Variants in IGF1R observed in about 807,000 individuals in gnomAD.
IGF1R encodes insulin like growth factor 1 receptor.
In IGF1R, 44 loss-of-function variants were observed where a neutral mutation model predicts 144.6. The ratio of observed to expected loss-of-function variants is 0.30; its 90% CI spans 0.24 to 0.39. IGF1R has a LOEUF of 0.39. Ranked by LOEUF, IGF1R falls within the 10% of genes least tolerant of loss-of-function variation. IGF1R has a pLI of 1.00. For missense variants in IGF1R, 1,355 were observed against 1,833.7 expected, an observed-to-expected ratio of 0.74 and a Z score of 4.77; for synonymous variants, 795 against 722.8, an observed-to-expected ratio of 1.10 and a Z score of -1.60.
intron 2 of IGF1R, among the ~76,000 whole-genome samples, chr15:98,842,353 G>C (rs2011189171): frequency 6.6e-6 from 1 of 152,186 alleles, no homozygotes; most frequent in South Asian, 2.1e-4. Context: ...TAGAGGTCAA[G>C]GCAGTGCTCA....
chr15:98,754,161 A>G (rs1180404093), intron 2 of IGF1R, among the ~76,000 whole-genome samples: 3 of 152,148 alleles, frequency 2.0e-5, no homozygotes, highest in Non-Finnish European at 2.9e-5. Flanking sequence ...TCGGGAGGTA[A>G]CCAGGTCTCC....
intron 2 of IGF1R, among the ~76,000 whole-genome samples, chr15:98,849,897 T>G (rs1442887295): frequency 6.6e-6 from 1 of 152,146 alleles, no homozygotes; most frequent in African/African-American, 2.4e-5. Context: ...AAATCCAAAA[T>G]ATTTGATAAC....
intron 2 of IGF1R, among the ~76,000 whole-genome samples, chr15:98,821,623 T>C (rs1345264938): frequency 6.6e-6 from 1 of 152,204 alleles, no homozygotes; most frequent in Non-Finnish European, 1.5e-5. Context: ...TGCTCTTCCA[T>C]AGATGATGAA....
chr15:98,738,590 G>A (rs2054666733), intron 2 of IGF1R, among the ~76,000 whole-genome samples: 1 of 152,176 alleles, frequency 6.6e-6, no homozygotes. Context: ...GTATTACTAT[G>A]CAGTTGTGTC....
chr15:98,678,812 A>G (rs1230752287), intron 1 of IGF1R, among the ~76,000 whole-genome samples: 1 of 152,104 alleles, frequency 6.6e-6, no homozygotes, highest in African/African-American at 2.4e-5. Context: ...GGTGTGAGCC[A>G]CCATGCCTGG....
chr15:98,933,341 TATTC>T (rs2016016720), intron 15 of IGF1R, among the ~76,000 whole-genome samples: 1 of 152,334 alleles, frequency 6.6e-6, no homozygotes, highest in Non-Finnish European at 1.5e-5. Flanking sequence ...AATATTTATT[TATTC>T]ATTCATTCAT....
rs1473022776 is a variant in IGF1R at position 98,924,006 on chromosome 15, A to G, written c.2616A>G (p.Gln872=). Residue 872 remains glutamine (Q), a synonymous_variant, in exon 12 of 21, where the codon CAA becomes CAG. Transcript: ENST00000650285. The part of the protein sequence containing the change: ...ILMYEIKYGS[Q]VEDQRECVSR... ...TGTATGAAATAAAATACGGATCACA[A>G]GTTGAGGTAGGACTGGGGCAGTGGC... 2 of 1,614,114 alleles carry G rather than the reference A, an allele frequency of 1.2e-6. No homozygotes were observed. The highest frequency in any genetic ancestry group is 2.7e-5 in the African/African-American group (2 of 75,066).
At chr15:98,868,563 A>G (rs1479222040) in intron 2 of IGF1R, among the ~76,000 whole-genome samples, 5 of 152,126 alleles carry the variant, frequency 3.3e-5, no homozygotes, top group Non-Finnish European at 7.4e-5. Flanking sequence ...TCTGTGGCGC[A>G]TACAGGTGCC....
chr15:98,926,348 T>C (rs566421020), intron 13 of IGF1R, among the ~76,000 whole-genome samples: 1 of 152,236 alleles, frequency 6.6e-6, no homozygotes, highest in Admixed American at 6.5e-5. Flanking sequence ...AGTCAAAGGA[T>C]ACAAAATTTC....
chr15:98,946,579 C>A (rs780188689), intron 19 of IGF1R, among the ~76,000 whole-genome samples: 2 of 152,154 alleles, frequency 1.3e-5, no homozygotes, highest in African/African-American at 4.8e-5. Context: ...GTGGACAGTT[C>A]GCAGTGGGAC....
chr15:98,827,630 G>T (rs530360912), intron 2 of IGF1R, among the ~76,000 whole-genome samples: 8 of 152,204 alleles, frequency 5.3e-5, no homozygotes, highest in African/African-American at 1.4e-4. Flanking sequence ...GTTAACAATC[G>T]GAAGTGCAGT....
At chr15:98,745,771 A>G (rs1400712555) in intron 2 of IGF1R, among the ~76,000 whole-genome samples, 2 of 152,240 alleles carry the variant, frequency 1.3e-5, no homozygotes, top group Non-Finnish European at 2.9e-5. Context: ...TCTCTTGTCA[A>G]GACTCCAGGG....
intron 1 of IGF1R, among the ~76,000 whole-genome samples, chr15:98,701,975 G>A (rs2053744747): frequency 6.6e-6 from 1 of 151,346 alleles, no homozygotes; most frequent in Admixed American, 6.6e-5. Flanking sequence ...GAGGTGAGGT[G>A]TGTCTGCCTG....
intron 2 of IGF1R, among the ~76,000 whole-genome samples, chr15:98,719,738 ACAGGCTCCCTGAACTTCGTGTT>A (rs1334745170): frequency 6.6e-6 from 1 of 152,150 alleles, no homozygotes; most frequent in East Asian, 1.9e-4. Flanking sequence ...GGCCTCAGAC[ACAGGCTCCCTGAACTTCGTGTT>A]CAGTGCTTTA....
intron 2 of IGF1R, among the ~76,000 whole-genome samples, chr15:98,869,433 T>TC (rs1285659053): frequency 2.3e-5 from 3 of 132,124 alleles, no homozygotes; most frequent in Admixed American, 8.4e-5. Flanking sequence ...CCCTTGAGAT[T>TC]CTTTTTTTTT....
intron 1 of IGF1R, among the ~76,000 whole-genome samples, chr15:98,664,806 T>TA (rs2052690405): frequency 6.6e-6 from 1 of 151,940 alleles, no homozygotes; most frequent in African/African-American, 2.4e-5. Context: ...AGTTAGCTGA[T>TA]ACTATTGTTG....
At chr15:98,898,166 C>T (rs1179306976) in intron 4 of IGF1R, among the ~76,000 whole-genome samples, 2 of 152,166 alleles carry the variant, frequency 1.3e-5, no homozygotes, top group Admixed American at 6.5e-5. Flanking sequence ...TCTCATGGTA[C>T]TTCTGATGTT....
At chr15:98,909,150 T>C (rs980549264) in intron 6 of IGF1R, among the ~76,000 whole-genome samples, 3 of 152,248 alleles carry the variant, frequency 2.0e-5, no homozygotes, top group African/African-American at 7.2e-5. Context: ...AAGTAGGTTC[T>C]CAAACTTTAA....
chr15:98,910,246 C>G (rs936418529), intron 6 of IGF1R, among the ~76,000 whole-genome samples: 1 of 152,212 alleles, frequency 6.6e-6, no homozygotes, highest in Non-Finnish European at 1.5e-5. Context: ...GCTCCCTGTT[C>G]AGATCATAGT....
Sources: allele counts gnomAD v4.1 joint callset (sites outside exome capture counted in the v4.1 genomes callset), GRCh38; gene constraint gnomAD v4.1.1; transcripts MANE v1.5; gene names NCBI Gene and HGNC (gene_info 2026-07-23, HGNC 2026-07-21).